The following CACNA1B variants were observed in gnomAD, a reference collection of about 807,000 sequenced individuals.
The protein encoded by CACNA1B is voltage-dependent N-type calcium channel subunit alpha-1B.
In CACNA1B, 70 loss-of-function variants were observed where a neutral mutation model predicts 247.2. The observed-to-expected ratio is 0.28, with a 90% CI of 0.23 to 0.35. The LOEUF (loss-of-function observed/expected upper bound fraction) is 0.35. Ranked by LOEUF, CACNA1B falls within the 10% of genes least tolerant of loss-of-function variation. The probability of loss-of-function intolerance (pLI) is 1.00; values close to 1 mark genes in which losing one functional copy is unlikely to be tolerated. For synonymous variants in CACNA1B, 1,231 were observed against 1,294.4 expected, an observed-to-expected ratio of 0.95 and a Z score of 1.05; for missense variants, 2,367 against 3,197.4, an observed-to-expected ratio of 0.74 and a Z score of 6.26.
Position 137,882,675 on chromosome 9 carries a change from C to T in CACNA1B, c.391-69C>T. 1.3e-6 allele frequency: 2 copies of T among 1,591,132 alleles called. No homozygotes were observed. Among genetic ancestry groups the T allele is most frequent in the South Asian group, 1.1e-5 (1 of 89,250 alleles). ...TGCACATGGTGGGGTGGGGTCCTCA[C>T]CAACCGTCTCTGCCCGCTACTACAC... On this transcript the variant is annotated intron_variant, in intron 2 of 46. Coordinates refer to ENST00000371372, the MANE Select transcript of CACNA1B (RefSeq NM_000718.4). The surrounding 1 kb of genome is among the most constrained non-coding windows in gnomAD (Gnocchi z 4.0).
rs1009786863 is a variant in CACNA1B, at chr9:138,100,564, G to A, written c.5223-2147G>A. 3.9e-5 allele frequency among the ~76,000 whole-genome samples: 6 copies of A among 152,138 alleles called. No individual in the cohort carries two copies. ...ATGATTTGGAGCTGATTGGACCGAG[G>A]GGGCTACACTGTAGGAGAGAGGAGC... On this transcript the variant is annotated intron_variant, in intron 37 of 46. Coordinates refer to ENST00000371372, the MANE Select transcript of CACNA1B (RefSeq NM_000718.4). The surrounding 1 kb of genome is among the most constrained non-coding windows in gnomAD (Gnocchi z 4.6).
Position 138,115,668 on chromosome 9 carries a change from T to C in CACNA1B, c.5766T>C (p.Asn1922=), listed in dbSNP as rs980694491. The change falls in exon 42 of 47, where the codon AAT becomes AAC. Residue 1922 remains asparagine (N), a synonymous_variant. Transcript: ENST00000371372. ...AGAAGAGTTCCACCTCCCTCAGCAA[T>C]GGCGGGGCCATGTGAGTATCCAGAT... ...LRQKSSTSLS[N]GGAIQNQESG... The C allele has an allele frequency of 2.5e-6, 4 of 1,612,898 alleles. No homozygotes were observed. The highest frequency in any genetic ancestry group is 3.4e-6 in the Non-Finnish European group (4 of 1,179,412).
intron 6 of CACNA1B, among the ~76,000 whole-genome samples, chr9:137,930,386 T>A (rs1267905137): frequency 6.6e-6 from 1 of 152,244 alleles, no homozygotes; most frequent in East Asian, 1.9e-4. Flanking sequence ...GTTTACTTTG[T>A]GTTTGGAGAG....
chr9:138,026,364 G>A (rs551558724), intron 20 of CACNA1B, among the ~76,000 whole-genome samples: 5 of 152,256 alleles, frequency 3.3e-5, no homozygotes, highest in Non-Finnish European at 7.4e-5. Flanking sequence ...GCTTGAGGAT[G>A]AGCCTAGGTT....
rs1221144318 is a variant in CACNA1B, at chr9:138,011,044, G to A, written c.2160+967G>A. On this transcript the variant is annotated intron_variant, in intron 17 of 46. Coordinates refer to ENST00000371372, the MANE Select transcript of CACNA1B (RefSeq NM_000718.4). This position sits in a 1 kb window ranked among gnomAD's most constrained non-coding sequence, Gnocchi z 4.2. ...CTGAGCCTCCCTTTGCTTCTGCTCAGCCTTCTTACTCCCACGCCTCCAGAC... is the reference window on the plus strand; with the variant it reads ...CTGAGCCTCCCTTTGCTTCTGCTCAACCTTCTTACTCCCACGCCTCCAGAC... 6.6e-6 allele frequency among the ~76,000 whole-genome samples: 1 copy of A among 152,200 alleles called. No homozygotes were observed. Among genetic ancestry groups the A allele is most frequent in the Non-Finnish European group, 1.5e-5 (1 of 68,036 alleles).
At chr9:137,895,788 CT>C (rs2133251032) in intron 3 of CACNA1B, among the ~76,000 whole-genome samples, 1 of 152,294 alleles carries the variant, frequency 6.6e-6, no homozygotes, top group East Asian at 1.9e-4. Context: ...AGAGGAACAG[CT>C]TTGTTTCTTC....
In CACNA1B at chr9:138,051,586, G is replaced by A. The variant is rs1033269096; in HGVS notation, c.3711-506G>A. Among the ~76,000 whole-genome samples the A allele has an allele frequency of 2.0e-5, 3 of 150,908 alleles. No homozygotes were observed. The highest frequency in any genetic ancestry group is 2.0e-4 in the East Asian group (1 of 5,096). On this transcript the variant is annotated intron_variant, in intron 24 of 46. Coordinates refer to ENST00000371372, the MANE Select transcript of CACNA1B (RefSeq NM_000718.4). The surrounding 1 kb of genome is among the most constrained non-coding windows in gnomAD (Gnocchi z 4.3). ...TCTCCTTCCCCTCTTCTGTCTTCCC[G>A]CTGTCGGTTTCACGTCAGCGGGAGG... is the stretch of plus-strand genomic sequence containing the variant.
Position 137,936,982 on chromosome 9 carries a change from A to G in CACNA1B, c.967-15292A>G, listed in dbSNP as rs1037298188. 6.6e-5 allele frequency among the ~76,000 whole-genome samples: 10 copies of G among 152,294 alleles called. 1 individual carries two copies. The South Asian group carries it at 1.5e-3, about 22-fold the overall frequency. On this transcript the variant is annotated intron_variant, in intron 6 of 46. Coordinates refer to ENST00000371372, the MANE Select transcript of CACNA1B (RefSeq NM_000718.4). ...ATGTGGGCTCTTTTTTTGGTTCCAT[A>G]TGAACTTTAAAGTAGTTTTTTCCAA... is the stretch of plus-strand genomic sequence containing the variant.
At chr9:137,905,598 A>G (rs1957290424) in intron 3 of CACNA1B, among the ~76,000 whole-genome samples, 1 of 152,200 alleles carries the variant, frequency 6.6e-6, no homozygotes, top group Non-Finnish European at 1.5e-5. Context: ...TCAATGGTTC[A>G]ATACTTTCTA....
intron 6 of CACNA1B, among the ~76,000 whole-genome samples, chr9:137,951,893 C>G (rs1957881654): frequency 6.6e-6 from 1 of 152,168 alleles, no homozygotes; most frequent in Non-Finnish European, 1.5e-5. Flanking sequence ...TTGGAGCTGC[C>G]CAGGATGTCT....
chr9:138,002,044 A>G (rs576531725), intron 15 of CACNA1B, among the ~76,000 whole-genome samples: 1 of 152,364 alleles, frequency 6.6e-6, no homozygotes, highest in East Asian at 1.9e-4. Context: ...AATTCAGCAT[A>G]TTGATTATAT....
intron 12 of CACNA1B, among the ~76,000 whole-genome samples, chr9:137,980,400 G>A (rs911296094): frequency 6.6e-6 from 1 of 152,238 alleles, no homozygotes; most frequent in Non-Finnish European, 1.5e-5. Flanking sequence ...GAGCCTGAAA[G>A]TGTGGCTGAG....
chr9:137,941,940 C>T (rs1352002128), intron 6 of CACNA1B, among the ~76,000 whole-genome samples: 1 of 152,048 alleles, frequency 6.6e-6, no homozygotes, highest in Non-Finnish European at 1.5e-5. Context: ...TGACCAAGAA[C>T]CCAAAAGAAA....
chr9:138,099,115 G>T (rs914716801), intron 37 of CACNA1B, among the ~76,000 whole-genome samples: 1 of 152,216 alleles, frequency 6.6e-6, no homozygotes, highest in African/African-American at 2.4e-5. Context: ...TGAGTTGTGT[G>T]TGCACATGTG....
chr9:138,106,928 C>T (rs374641823), intron 39 of CACNA1B, among the ~76,000 whole-genome samples: 2 of 152,132 alleles, frequency 1.3e-5, no homozygotes, highest in East Asian at 1.9e-4. Context: ...CCACGTTGCT[C>T]GACTCAAAGG....
At chr9:138,114,690 CG>C (rs1305666975) in intron 41 of CACNA1B, among the ~76,000 whole-genome samples, 200 bp downstream of exon 41, 2 of 152,248 alleles carry the variant, frequency 1.3e-5, no homozygotes, top group East Asian at 3.9e-4. Flanking sequence ...CATGAGCTGG[CG>C]GTACTGGGCA....
chr9:138,002,802 CTTTT>C (rs1958595108), intron 15 of CACNA1B, among the ~76,000 whole-genome samples: 1 of 151,116 alleles, frequency 6.6e-6, no homozygotes, highest in Non-Finnish European at 1.5e-5. Flanking sequence ...TTTTTCTTTT[CTTTT>C]CTTTTCTTTT....
rs562435147 is a variant in CACNA1B, at chr9:138,120,679, C to T, written c.6287C>T (p.Thr2096Ile). 100 of 1,515,916 alleles carry T rather than the reference C, an allele frequency of 6.6e-5. No homozygotes were observed. In the South Asian group the frequency reaches 1.2e-3, roughly 18 times the overall value. The allele number at this position is 1,515,916 out of a possible 1,614,324, so 93.9% of individuals were successfully genotyped here. A position where few individuals can be genotyped will look rare whatever the true frequency, so the allele number is the denominator to read the frequency against. ...GPGLPPGEGPTGCRRERERRQ... is the reference protein window; with the variant it reads ...GPGLPPGEGPIGCRRERERRQ... ...GGGCTGCCCCCGGGAGAGGGGCCTA[C>T]AGGCTGCCGGCGGGAACGAGAGCGC... is the stretch of plus-strand genomic sequence containing the variant. Residue 2096 changes from threonine (T) to isoleucine (I), a missense_variant, in exon 46 of 47, where the codon ACA becomes ATA. By Grantham distance (89) the Thr-to-Ile change is moderately conservative. Transcript: ENST00000371372.
At chr9:137,977,859 A>G (rs1958239198) in intron 12 of CACNA1B, among the ~76,000 whole-genome samples, 1 of 152,004 alleles carries the variant, frequency 6.6e-6, no homozygotes, top group South Asian at 2.1e-4. Flanking sequence ...GGTGGAGTGA[A>G]GGGTGGGAGC....
Sources: allele counts gnomAD v4.1 joint callset (sites outside exome capture counted in the v4.1 genomes callset), GRCh38; gene constraint gnomAD v4.1.1; non-coding constraint Gnocchi (gnomAD v3.1); transcripts MANE v1.5; gene names NCBI Gene and HGNC (gene_info 2026-07-23, HGNC 2026-07-21).